The following UNC5D variants were observed in gnomAD, a reference collection of about 807,000 sequenced individuals.
The protein encoded by UNC5D is unc-5 netrin receptor D.
A neutral mutation model predicts 105.4 loss-of-function variants in UNC5D; 39 were observed. The observed-to-expected ratio is 0.37, with a 90% CI of 0.29 to 0.48. UNC5D has a LOEUF of 0.48. Among genes scored for constraint, UNC5D ranks in the 20% least tolerant of loss-of-function variants. UNC5D has a pLI of 0.98. For missense variants in UNC5D, 991 were observed against 1,202.4 expected, an observed-to-expected ratio of 0.82 and a Z score of 2.60; for synonymous variants, 452 against 450.4, an observed-to-expected ratio of 1.00 and a Z score of -0.04.
At chr8:35,493,803 C>T (rs1186303370) in intron 1 of UNC5D, among the ~76,000 whole-genome samples, 7 of 152,024 alleles carry the variant, frequency 4.6e-5, no homozygotes, top group Non-Finnish European at 1.0e-4. Context: ...CTTTAATACT[C>T]TATTCTCCGT....
intron 1 of UNC5D, among the ~76,000 whole-genome samples, chr8:35,306,745 A>G (rs1039320846): frequency 5.9e-5 from 9 of 152,130 alleles, no homozygotes; most frequent in Admixed American, 4.6e-4. Context: ...AGATGTTCAT[A>G]TGGAGTATCT....
intron 1 of UNC5D, among the ~76,000 whole-genome samples, chr8:35,490,690 T>C (rs528508566): frequency 1.6e-4 from 24 of 152,212 alleles, no homozygotes; most frequent in Non-Finnish European, 3.5e-4. Flanking sequence ...ACAGTAGACA[T>C]GGATTAAATG....
chr8:35,250,079 C>T (rs528604564), intron 1 of UNC5D, among the ~76,000 whole-genome samples: 3 of 152,002 alleles, frequency 2.0e-5, no homozygotes, highest in African/African-American at 7.2e-5. Context: ...TATTGGAACA[C>T]GTTAGATTAA....
intron 1 of UNC5D, among the ~76,000 whole-genome samples, chr8:35,291,109 A>G (rs1218900861): frequency 6.6e-6 from 1 of 152,090 alleles, no homozygotes; most frequent in Non-Finnish European, 1.5e-5. Flanking sequence ...GTTTCTCAGA[A>G]TTGCCTTGCT....
At chr8:35,542,730 C>CAAAT (rs1563518024) in intron 1 of UNC5D, among the ~76,000 whole-genome samples, 1 of 152,038 alleles carries the variant, frequency 6.6e-6, no homozygotes, top group African/African-American at 2.4e-5. Flanking sequence ...CTACAGGGAG[C>CAAAT]AAATGATAAA....
intron 1 of UNC5D, among the ~76,000 whole-genome samples, chr8:35,521,248 G>A (rs951900184): frequency 2.0e-5 from 3 of 152,094 alleles, no homozygotes; most frequent in African/African-American, 7.2e-5. Flanking sequence ...CATGAGAGGT[G>A]AGAGAAAATA....
chr8:35,427,897 C>G (rs1806355000), intron 1 of UNC5D, among the ~76,000 whole-genome samples: 1 of 152,122 alleles, frequency 6.6e-6, no homozygotes, highest in Admixed American at 6.6e-5. Context: ...TGTATCAGGG[C>G]AGTGCATGTA....
intron 1 of UNC5D, among the ~76,000 whole-genome samples, chr8:35,368,674 G>A (rs956906050): frequency 1.3e-5 from 2 of 151,774 alleles, no homozygotes; most frequent in African/African-American, 2.4e-5. Flanking sequence ...TTTAAAATTC[G>A]TATGTTCCAG....
At chr8:35,373,663 A>T (rs1345568782) in intron 1 of UNC5D, among the ~76,000 whole-genome samples, 2 of 152,198 alleles carry the variant, frequency 1.3e-5, no homozygotes, top group African/African-American at 4.8e-5. Flanking sequence ...AGAACATATC[A>T]GCAATGCATT....
chr8:35,366,886 A>G (rs1292128365), intron 1 of UNC5D, among the ~76,000 whole-genome samples: 1 of 152,184 alleles, frequency 6.6e-6, no homozygotes, highest in Non-Finnish European at 1.5e-5. Flanking sequence ...ATTAATGGAA[A>G]TTATTTTCTT....
intron 1 of UNC5D, among the ~76,000 whole-genome samples, chr8:35,309,659 A>C (rs991570576): frequency 3.9e-5 from 6 of 152,136 alleles, no homozygotes; most frequent in Non-Finnish European, 5.9e-5. Context: ...ATTCCTATGA[A>C]CCATTTCTCT....
intron 1 of UNC5D, among the ~76,000 whole-genome samples, chr8:35,429,189 T>C (rs1026023949): frequency 3.3e-5 from 5 of 152,178 alleles, no homozygotes; most frequent in African/African-American, 1.2e-4. Flanking sequence ...ATCCCTTTCT[T>C]CTTTGATAAT....
intron 4 of UNC5D, among the ~76,000 whole-genome samples, chr8:35,630,288 G>A (rs926552971): frequency 2.0e-5 from 3 of 152,148 alleles, no homozygotes; most frequent in African/African-American, 4.8e-5. Flanking sequence ...ATCTACAACT[G>A]TTTTCCCTGT....
chr8:35,589,967 G>T lies in UNC5D; in HGVS notation c.467-5587G>T, dbSNP rs183233108. ...TAATATTACTGTTTCTTATATGCTT[G>T]CTAACCTTGGGCATTATTACTTAAA... On this transcript the variant is annotated intron_variant, in intron 3 of 16. Transcript: ENST00000404895. Among the ~76,000 whole-genome samples, 107 of 152,146 alleles carry T rather than the reference G, an allele frequency of 7.0e-4. 3 individuals carry two copies. In the East Asian group the frequency reaches 0.02, roughly 29 times the overall value.
chr8:35,305,577 T>TTCTTTC (rs1339138456), intron 1 of UNC5D, among the ~76,000 whole-genome samples: 10 of 53,998 alleles, frequency 1.9e-4, no homozygotes, highest in African/African-American at 3.9e-4. Flanking sequence ...CTTTCTTTCT[T>TTCTTTC]TTTCTTTCTT....
At chr8:35,271,723 A>G (rs1188673234) in intron 1 of UNC5D, among the ~76,000 whole-genome samples, 1 of 123,266 alleles carries the variant, frequency 8.1e-6, no homozygotes, top group South Asian at 2.3e-4. Flanking sequence ...TTATACATGT[A>G]TACATGTATA....
At chr8:35,748,421 A>C in intron 11 of UNC5D, 106 bp from the exon 12 acceptor site, 1 of 1,200,222 alleles carries the variant, frequency 8.3e-7, no homozygotes, top group Non-Finnish European at 1.1e-6. Context: ...CTGGAAAGGA[A>C]TATTTATAAG....
intron 1 of UNC5D, among the ~76,000 whole-genome samples, chr8:35,419,966 G>A (rs1454471034): frequency 2.6e-5 from 4 of 152,144 alleles, no homozygotes; most frequent in African/African-American, 9.7e-5. Flanking sequence ...CCCAGATGTG[G>A]CTGAGTCTGG....
At chr8:35,481,575 T>G (rs1810483951) in intron 1 of UNC5D, among the ~76,000 whole-genome samples, 5 of 152,212 alleles carry the variant, frequency 3.3e-5, no homozygotes, top group Admixed American at 3.3e-4. Flanking sequence ...ATAAATTCTC[T>G]AAATGCTTCC....
Sources: gnomAD v4.1 joint callset for allele counts (sites outside exome capture counted in the v4.1 genomes callset) on GRCh38, gnomAD v4.1.1 for gene constraint, MANE v1.5 for transcripts, NCBI Gene and HGNC (gene_info 2026-07-23, HGNC 2026-07-21) for gene names.